NCKIPSD: variants seen among roughly 807,000 people sequenced by gnomAD.
NCKIPSD encodes NCK interacting protein with SH3 domain, also known as NCK-interacting protein with SH3 domain.
Under a neutral mutation model 73.4 loss-of-function variants are expected in NCKIPSD, and 48 were observed. That is an observed-to-expected ratio of 0.65 (90% CI 0.52 to 0.83). The LOEUF is 0.83. Among genes scored for constraint, NCKIPSD ranks in the 40% least tolerant of loss-of-function variants. The pLI is 0.00. For synonymous variants in NCKIPSD, 422 were observed against 403.6 expected (o/e 1.05, Z -0.54); for missense variants, 884 against 970.2 (o/e 0.91, Z 1.18).
At chr3:48,682,868 C>T in intron 2 of NCKIPSD, 35 bp downstream of exon 2, 2 of 1,533,880 alleles carry the variant, frequency 1.3e-6, no homozygotes, top group Non-Finnish European at 1.8e-6. Context: ...ACCATGCTCA[C>T]CGGGAGGTCC....
chr3:48,682,475 G>A lies in NCKIPSD; in HGVS notation c.359C>T (p.Ser120Leu). ...SASSVAVMTS[S>L]TSDHHLDAAA... ...AGCATCCAAGTGGTGGTCACTGGTTGATGAGGTCATAACTGCAACACTGGA... is the reference window on the plus strand; with the variant it reads ...AGCATCCAAGTGGTGGTCACTGGTTAATGAGGTCATAACTGCAACACTGGA... Residue 120 changes from serine (S) to leucine (L), a missense_variant, in exon 3 of 13, where the codon TCA (serine) becomes TTA (leucine). By Grantham distance (145) the Ser-to-Leu change is moderately radical. Transcript: ENST00000294129. 1 of 1,614,174 alleles carries A rather than the reference G, an allele frequency of 6.2e-7. No individual in the cohort carries two copies. The highest frequency in any genetic ancestry group is 8.5e-7 in the Non-Finnish European group (1 of 1,180,010).
chr3:48,683,283 G>T (rs1455655123), intron 1 of NCKIPSD, among the ~76,000 whole-genome samples: 1 of 152,198 alleles, frequency 6.6e-6, no homozygotes, highest in Non-Finnish European at 1.5e-5. Flanking sequence ...TGGCTAAGAT[G>T]TTTCTGAAAA....
chr3:48,685,540 G>C, intron 1 of NCKIPSD, 97 bp downstream of exon 1: 1 of 1,390,064 alleles, frequency 7.2e-7, no homozygotes, highest in East Asian at 2.9e-5. Flanking sequence ...CTGGCCTCGG[G>C]TCCCGGAGAG....
chr3:48,679,022 G>T (rs775837069), intron 10 of NCKIPSD, 33 bp downstream of exon 10: 1 of 1,614,136 alleles, frequency 6.2e-7, no homozygotes, highest in South Asian at 1.1e-5. Context: ...GCCACCATGT[G>T]CTCAGCCACC....
At position 48,682,417 on chromosome 3, in the gene NCKIPSD, T is replaced by C. The variant is rs1025591471; in HGVS notation, c.417A>G (p.Arg139=). 1.2e-6 allele frequency: 2 copies of C among 1,614,002 alleles called. No homozygotes were observed. The highest frequency in any genetic ancestry group is 2.7e-5 in the African/African-American group (2 of 74,918). The change falls in exon 3 of 13, where the codon CGA becomes CGG. Residue 139 remains arginine, a synonymous_variant. Transcript: ENST00000294129. ...AAARQPNGVC[R]AGFERQHSLP... is the part of the protein sequence containing the mutation. ...GGCTGTGCTGCCGCTCGAACCCAGC[T>C]CGACACACCCCATTGGGCTGCCTGG...
chr3:48,681,886 G>A, intron 4 of NCKIPSD, 106 bp from the exon 5 acceptor site: 2 of 1,460,998 alleles, frequency 1.4e-6, no homozygotes, highest in Non-Finnish European at 1.8e-6. Flanking sequence ...TTCTCTGCTA[G>A]GCACTGCCTC....
intron 1 of NCKIPSD, among the ~76,000 whole-genome samples, chr3:48,684,966 A>G (rs1327254971): frequency 6.6e-6 from 1 of 151,896 alleles, no homozygotes; most frequent in Non-Finnish European, 1.5e-5. Flanking sequence ...AGGTTGGTAG[A>G]GACTTAAGAA....
At position 48,674,115 on chromosome 3, in the gene NCKIPSD, C is replaced by A; in HGVS notation, c.*429G>T. The A allele has an allele frequency of 9.0e-7, 1 of 1,113,718 alleles. No homozygotes were observed. Among genetic ancestry groups the A allele is most frequent in the Non-Finnish European group, 1.1e-6 (1 of 907,914 alleles). 69.0% of individuals were successfully genotyped at this position (1,113,718 alleles called of 1,614,324 possible). On this transcript the variant is annotated 3_prime_UTR_variant, in exon 13 of 13. Coordinates refer to ENST00000294129, the MANE Select transcript of NCKIPSD (RefSeq NM_016453.4). Reference sequence around the variant, plus strand: ...GGGAGGACATGAGCAGCACTCACTGCAAAGCTAAGGCAAAGAATAGAGCTG... The same window carrying A: ...GGGAGGACATGAGCAGCACTCACTGAAAAGCTAAGGCAAAGAATAGAGCTG...
intron 12 of NCKIPSD, among the ~76,000 whole-genome samples, chr3:48,678,339 C>T (rs151135916): frequency 7.5e-4 from 114 of 152,290 alleles, no homozygotes; most frequent in African/African-American, 2.5e-3. Flanking sequence ...TCCTCCATGC[C>T]TCATCTCCCT....
At chr3:48,678,112 C>A (rs1371563046) in intron 12 of NCKIPSD, among the ~76,000 whole-genome samples, 2 of 152,168 alleles carry the variant, frequency 1.3e-5, no homozygotes, top group Non-Finnish European at 2.9e-5. Context: ...TTACTAAACA[C>A]TCCACAGCTG....
Position 48,685,838 on chromosome 3 carries a change from G to T in NCKIPSD, c.-31C>A, listed in dbSNP as rs759917046. Reference sequence around the variant, plus strand: ...CGGGCAGGGCAGGTGCAGGGAAGGTGGCAAGGGCTGCGGCGCCACAACGCC... The same window carrying T: ...CGGGCAGGGCAGGTGCAGGGAAGGTTGCAAGGGCTGCGGCGCCACAACGCC... On this transcript the variant is annotated 5_prime_UTR_variant, in exon 1 of 13. Transcript: ENST00000294129. The T allele has an allele frequency of 7.2e-7, 1 of 1,391,528 alleles. No individual in the cohort carries two copies. The highest frequency in any genetic ancestry group is 1.6e-5 in the South Asian group (1 of 63,192). The allele number at this position is 1,391,528 out of a possible 1,614,324, so 86.2% of individuals were successfully genotyped here.
intron 1 of NCKIPSD, among the ~76,000 whole-genome samples, chr3:48,684,805 G>C (rs1433519733): frequency 6.6e-6 from 1 of 152,178 alleles, no homozygotes; most frequent in Non-Finnish European, 1.5e-5. Context: ...GAAGCTATAA[G>C]AACTCACTTC....
chr3:48,674,156 C>T lies in NCKIPSD; in HGVS notation c.*388G>A, dbSNP rs948438155. 7 of 1,151,112 alleles carry T rather than the reference C, an allele frequency of 6.1e-6. No homozygotes were observed. Among genetic ancestry groups the T allele is most frequent in the Non-Finnish European group, 7.5e-6 (7 of 930,196 alleles). 71.3% of individuals were successfully genotyped at this position (1,151,112 alleles called of 1,614,324 possible). Reference sequence around the variant, plus strand: ...AATAGAGCTGGTGGGAGATGCCTCCCCTCACCCCAGGGGCATGGCTTGCTG... The same window carrying T: ...AATAGAGCTGGTGGGAGATGCCTCCTCTCACCCCAGGGGCATGGCTTGCTG... On this transcript the variant is annotated 3_prime_UTR_variant, in exon 13 of 13. Coordinates refer to ENST00000294129, the MANE Select transcript of NCKIPSD (RefSeq NM_016453.4).
chr3:48,679,511 G>GCAGATGGCAGGAACACCCTC (rs2077312366), intron 8 of NCKIPSD, 54 bp from the exon 9 acceptor site: 1 of 1,606,890 alleles, frequency 6.2e-7, no homozygotes, highest in Non-Finnish European at 8.5e-7. Flanking sequence ...GGAAACCCCA[G>GCAGATGGCAGGAACACCCTC]CAGATGGCAG....
rs1348415833 is a variant in NCKIPSD, at chr3:48,679,650, C to T, written c.1414G>A (p.Ala472Thr). ...GACACAAGCGTGGAGATGATGGCTGCATCCAGGCTGCACATGGCGCCAAAG... is the reference window on the plus strand; with the variant it reads ...GACACAAGCGTGGAGATGATGGCTGTATCCAGGCTGCACATGGCGCCAAAG... ...KCFGAMCSLD[A>T]AIISTLVSSV... Residue 472 changes from alanine (A) to threonine (T), a missense_variant, in exon 8 of 13, where the codon GCA becomes ACA. Transcript: ENST00000294129. The T allele has an allele frequency of 1.9e-6, 3 of 1,614,220 alleles. No homozygotes were observed. The highest frequency in any genetic ancestry group is 3.3e-5 in the Admixed American group (2 of 60,022).
intron 5 of NCKIPSD, among the ~76,000 whole-genome samples, chr3:48,680,647 A>G (rs2106750939): frequency 6.6e-6 from 1 of 151,626 alleles, no homozygotes; most frequent in Middle Eastern, 3.5e-3. Flanking sequence ...CCATTGGCCC[A>G]CTCCCCAACA....
Position 48,681,532 on chromosome 3 carries a change from C to G in NCKIPSD, c.847G>C (p.Ala283Pro), listed in dbSNP as rs202183753. ...EEEVATGTTSASDDLEALGTL... is the reference protein window; with the variant it reads ...EEEVATGTTSPSDDLEALGTL... ...CCCAGGGCTTCCAGGTCATCAGAGG[C>G]TGAGGTTGTACCAGTTGCCACTTCT... Residue 283 changes from alanine to proline, a missense_variant, in exon 5 of 13, where the codon GCC (alanine) becomes CCC (proline). Transcript: ENST00000294129. 2 of 1,614,144 alleles carry G rather than the reference C, an allele frequency of 1.2e-6. No individual in the cohort carries two copies. The highest frequency in any genetic ancestry group is 1.3e-5 in the African/African-American group (1 of 75,056).
chr3:48,679,958 A>G, intron 6 of NCKIPSD, 71 bp from the exon 7 acceptor site: 1 of 1,612,206 alleles, frequency 6.2e-7, no homozygotes, highest in Non-Finnish European at 8.5e-7. Flanking sequence ...GAGAGGGCTG[A>G]GCACATATGT....
chr3:48,677,891 T>C (rs537405533), intron 12 of NCKIPSD, among the ~76,000 whole-genome samples: 3 of 152,184 alleles, frequency 2.0e-5, no homozygotes, highest in Admixed American at 2.0e-4. Flanking sequence ...CACTCCGAAA[T>C]GTCTCTCTAG....
Sources: allele counts gnomAD v4.1 joint callset (sites outside exome capture counted in the v4.1 genomes callset), GRCh38; gene constraint gnomAD v4.1.1; transcripts MANE v1.5; gene names NCBI Gene and HGNC (gene_info 2026-07-23, HGNC 2026-07-21).